The following ZMYND8 variants were observed in gnomAD, a reference collection of about 807,000 sequenced individuals.
The protein encoded by ZMYND8 is MYND-type zinc finger-containing chromatin reader ZMYND8.
In ZMYND8, 37 loss-of-function variants were observed where a neutral mutation model predicts 140.8. The observed-to-expected ratio is 0.26, with a 90% CI of 0.20 to 0.35. The LOEUF (loss-of-function observed/expected upper bound fraction) is 0.35. Among genes scored for constraint, ZMYND8 ranks in the 10% least tolerant of loss-of-function variants. The pLI, the probability that ZMYND8 is intolerant of heterozygous loss-of-function variation, is 1.00. For synonymous variants in ZMYND8, 592 were observed against 597.1 expected, an observed-to-expected ratio of 0.99 and a Z score of 0.12; for missense variants, 1,068 against 1,570.0, an observed-to-expected ratio of 0.68 and a Z score of 5.40.
At chr20:47,284,609 C>A (rs1369848646) in intron 8 of ZMYND8, among the ~76,000 whole-genome samples, 2 of 152,166 alleles carry the variant, frequency 1.3e-5, no homozygotes, top group African/African-American at 4.8e-5. Context: ...CCCCTTCCAG[C>A]CACTCTGGCC....
rs775252351 is a variant in ZMYND8, at chr20:47,347,893, C to T, written c.48G>A (p.Glu16=). The T allele has an allele frequency of 1.2e-6, 2 of 1,614,018 alleles. No homozygotes were observed. The highest frequency in any genetic ancestry group is 1.7e-6 in the Non-Finnish European group (2 of 1,180,030). The change falls in exon 2 of 23, where the codon GAG becomes GAA. Residue 16 remains glutamate (E), a synonymous_variant. Coordinates refer to ENST00000471951, the MANE Select transcript of ZMYND8 (RefSeq NM_001281775.3). ...LAEEEIKTEQ[E]VVEGMDISTR... Reference sequence around the variant, plus strand: ...TAGAGATATCCATGCCCTCTACCACCTCCTGTTCTGTTTTTATTTCCTCTT... The same window carrying T: ...TAGAGATATCCATGCCCTCTACCACTTCCTGTTCTGTTTTTATTTCCTCTT...
chr20:47,285,226 A>C (rs915169154), intron 8 of ZMYND8, among the ~76,000 whole-genome samples: 6 of 152,232 alleles, frequency 3.9e-5, no homozygotes, highest in Non-Finnish European at 7.3e-5. Context: ...GATATTTGTT[A>C]TTCCTTTCTA....
At chr20:47,277,502 C>T (rs1272936712) in intron 10 of ZMYND8, among the ~76,000 whole-genome samples, 2 of 152,202 alleles carry the variant, frequency 1.3e-5, no homozygotes, top group Admixed American at 6.5e-5. Flanking sequence ...CGGGTGACCA[C>T]GCAGCTGATA....
rs76543896 is a variant in ZMYND8 at position 47,328,689 on chromosome 20, C to T, written c.86-18485G>A. Among the ~76,000 whole-genome samples, 1,043 of 152,234 alleles carry T rather than the reference C, an allele frequency of 6.9e-3. 8 individuals are homozygous for T. The highest frequency in any genetic ancestry group is 0.024 in the African/African-American group (979 of 41,526). On this transcript the variant is annotated intron_variant, in intron 2 of 22. Coordinates refer to ENST00000471951, the MANE Select transcript of ZMYND8 (RefSeq NM_001281775.3). ...ATCTTGGCCAGGCTGGTCTTGAACT[C>T]CTGACCTCAGGTAATGCACTGGCCT...
At chr20:47,262,169 G>T in intron 12 of ZMYND8, 119 bp downstream of exon 12, 1 of 1,409,122 alleles carries the variant, frequency 7.1e-7, no homozygotes. Context: ...TGAAACTTTT[G>T]CATTTTTTGC....
intron 2 of ZMYND8, among the ~76,000 whole-genome samples, chr20:47,338,478 C>T (rs1339188097): frequency 5.3e-5 from 8 of 152,104 alleles, no homozygotes; most frequent in Non-Finnish European, 1.2e-4. Context: ...ACTGCGGACG[C>T]TGAGATCACT....
chr20:47,228,320 G>C (rs1367025580), intron 17 of ZMYND8, among the ~76,000 whole-genome samples: 1 of 152,142 alleles, frequency 6.6e-6, no homozygotes, highest in Non-Finnish European at 1.5e-5. Context: ...CGTCAGTATA[G>C]CTAAGGCCGA....
intron 2 of ZMYND8, among the ~76,000 whole-genome samples, chr20:47,313,512 C>T (rs1030247883): frequency 4.6e-5 from 7 of 152,026 alleles, no homozygotes; most frequent in Non-Finnish European, 1.0e-4. Flanking sequence ...GTCCCAGCTA[C>T]TCGGGAGGCT....
chr20:47,311,786 C>T (rs1405007608), intron 2 of ZMYND8, among the ~76,000 whole-genome samples: 1 of 152,150 alleles, frequency 6.6e-6, no homozygotes, highest in Non-Finnish European at 1.5e-5. Context: ...AGGAGAATCG[C>T]TTGAACCCAG....
intron 1 of ZMYND8, chr20:47,352,922 C>A (rs1469697340): frequency 6.6e-6 from 1 of 152,204 alleles, no homozygotes; most frequent in African/African-American, 2.4e-5. Flanking sequence ...TTAAGAGTAA[C>A]CAAAGGGTTC....
chr20:47,271,047 A>G (rs959763004), intron 11 of ZMYND8, among the ~76,000 whole-genome samples: 2 of 152,140 alleles, frequency 1.3e-5, no homozygotes, highest in South Asian at 2.1e-4. Context: ...ACTGTACTCC[A>G]GCCTGGACGA....
chr20:47,319,105 C>T (rs1408741697), intron 2 of ZMYND8: 2 of 1,236,510 alleles, frequency 1.6e-6, no homozygotes, highest in South Asian at 2.5e-5. Flanking sequence ...CTAAGAGTCA[C>T]CACTTACCAG....
At chr20:47,218,444 T>TAAAAAAAATAAAAAAAAAAAA (rs2036449315) in intron 21 of ZMYND8, among the ~76,000 whole-genome samples, 1 of 152,224 alleles carries the variant, frequency 6.6e-6, no homozygotes, top group African/African-American at 2.4e-5. Flanking sequence ...GTTTTTATTT[T>TAAAAAAAATAAAAAAAAAAAA]AAACTTATGT....
chr20:47,281,897 T>C (rs2076628801), intron 10 of ZMYND8, among the ~76,000 whole-genome samples: 1 of 152,154 alleles, frequency 6.6e-6, no homozygotes, highest in African/African-American at 2.4e-5. Flanking sequence ...AGTAAGATGA[T>C]TTTCTAACAC....
rs145217115 is a variant in ZMYND8 at position 47,264,378 on chromosome 20, G to A, written c.1481-1950C>T. ...TGCAACCTCTGCCTCCTGGATTCAA[G>A]CGATTCTCCTGCCTCAGCCTCCCAA... On this transcript the variant is annotated intron_variant, in intron 11 of 22. Coordinates refer to ENST00000471951, the MANE Select transcript of ZMYND8 (RefSeq NM_001281775.3). Among the ~76,000 whole-genome samples the A allele has an allele frequency of 2.6e-3, 396 of 152,278 alleles. 1 individual carries two copies. The highest frequency in any genetic ancestry group is 9.0e-3 in the African/African-American group (373 of 41,548).
At position 47,224,571 on chromosome 20, in the gene ZMYND8, G is replaced by A. The variant is rs2037418272; in HGVS notation, c.3017-15C>T. 6.2e-7 allele frequency: 1 copy of A among 1,611,288 alleles called. No individual in the cohort carries two copies. Among genetic ancestry groups the A allele is most frequent in the Non-Finnish European group, 8.5e-7 (1 of 1,180,018 alleles). On this transcript the variant is annotated splice_polypyrimidine_tract_variant and intron_variant, in intron 18 of 22. Coordinates refer to ENST00000471951, the MANE Select transcript of ZMYND8 (RefSeq NM_001281775.3). ...CATGGTCAGCTCTGGTGGAGGAGGG[G>A]AAGAACACCGCTCATCACCTGACCC...
intron 2 of ZMYND8, among the ~76,000 whole-genome samples, chr20:47,313,355 G>C (rs931750343): frequency 1.3e-5 from 2 of 152,152 alleles, no homozygotes; most frequent in East Asian, 3.9e-4. Flanking sequence ...GGGCGCAGTG[G>C]CTCACGCCTG....
At chr20:47,281,254 C>G (rs906314215) in intron 10 of ZMYND8, among the ~76,000 whole-genome samples, 1 of 152,314 alleles carries the variant, frequency 6.6e-6, no homozygotes, top group Admixed American at 6.5e-5. Flanking sequence ...TGGGAATTCA[C>G]TCTTTTGGTC....
At chr20:47,339,933 A>G (rs976088534) in intron 2 of ZMYND8, among the ~76,000 whole-genome samples, 1 of 151,654 alleles carries the variant, frequency 6.6e-6, no homozygotes, top group Non-Finnish European at 1.5e-5. Context: ...ATCTGGCTCT[A>G]GAAGCCAGGT....
Sources: gnomAD v4.1 joint callset for allele counts (sites outside exome capture counted in the v4.1 genomes callset) on GRCh38, gnomAD v4.1.1 for gene constraint, MANE v1.5 for transcripts, NCBI Gene and HGNC (gene_info 2026-07-23, HGNC 2026-07-21) for gene names.